TBCA: variants seen among roughly 807,000 people sequenced by gnomAD.
TBCA encodes the protein tubulin folding cofactor A, also known as tubulin-specific chaperone A.
A neutral mutation model predicts 15.8 loss-of-function variants in TBCA; 6 were observed. The ratio of observed to expected loss-of-function variants is 0.38; its 90% CI spans 0.21 to 0.75. TBCA has a LOEUF of 0.75. TBCA is among the 30% of genes least tolerant of loss of function. The probability of loss-of-function intolerance (pLI) is 0.46; values close to 1 mark genes in which losing one functional copy is unlikely to be tolerated. For missense variants in TBCA, 90 were observed against 131.2 expected, an observed-to-expected ratio of 0.69 and a Z score of 1.53; for synonymous variants, 32 against 42.3, an observed-to-expected ratio of 0.76 and a Z score of 0.94.
intron 1 of TBCA, among the ~76,000 whole-genome samples, chr5:77,751,591 AGAG>A (rs527666620): frequency 4.6e-4 from 70 of 152,138 alleles, no homozygotes; most frequent in African/African-American, 1.6e-3. Flanking sequence ...CATTCTCCCC[AGAG>A]GAGATGTGGC....
intron 2 of TBCA, among the ~76,000 whole-genome samples, chr5:77,696,171 A>G (rs1384994373): frequency 6.6e-6 from 1 of 152,204 alleles, no homozygotes; most frequent in Non-Finnish European, 1.5e-5. Context: ...CAGATCATCC[A>G]TCAGAAGCTG....
Position 77,732,550 on chromosome 5 carries a change from C to CACAAAA in TBCA, c.54-24204_54-24203insTTTTGT, listed in dbSNP as rs1236069449. Among the ~76,000 whole-genome samples the CACAAAA allele has an allele frequency of 2.7e-3, 244 of 89,498 alleles. 6 individuals carry two copies. Among genetic ancestry groups the CACAAAA allele is most frequent in the African/African-American group, 9.1e-3 (202 of 22,286 alleles). 58.7% of individuals were successfully genotyped at this position (89,498 alleles called of 152,430 possible). A position where few individuals can be genotyped will look rare whatever the true frequency, so the allele number is the denominator to read the frequency against. On this transcript the variant is annotated intron_variant, in intron 1 of 3. Transcript: ENST00000380377. ...TGGGCGACAGAGTGAGACTCTGTCT[C>CACAAAA]AAAAAAAAAAAAAAAAAAAAAAAAA...
intron 1 of TBCA, among the ~76,000 whole-genome samples, chr5:77,717,262 C>T (rs1561269043): frequency 6.6e-6 from 1 of 152,162 alleles, no homozygotes; most frequent in Non-Finnish European, 1.5e-5. Context: ...TTACTTGAAG[C>T]TAAAACATCT....
At chr5:77,725,808 G>T (rs1746620613) in intron 1 of TBCA, among the ~76,000 whole-genome samples, 1 of 152,154 alleles carries the variant, frequency 6.6e-6, no homozygotes, top group South Asian at 2.1e-4. Context: ...AAGGCTCCTT[G>T]AGATGAGTTA....
At chr5:77,775,843 G>A (rs968869174) in intron 1 of TBCA, among the ~76,000 whole-genome samples, 1 of 152,232 alleles carries the variant, frequency 6.6e-6, no homozygotes, top group African/African-American at 2.4e-5. Context: ...GCCAAGTTCA[G>A]CAAGGAGAGG....
At chr5:77,734,401 G>A (rs71632938) in intron 1 of TBCA, among the ~76,000 whole-genome samples, 16,262 of 152,194 alleles carry the variant, frequency 0.11, 932 homozygotes, top group Middle Eastern at 0.13. Flanking sequence ...CATGATTCAC[G>A]GGAGGAGGTC....
At chr5:77,736,961 G>A (rs536351745) in intron 1 of TBCA, among the ~76,000 whole-genome samples, 123 of 152,298 alleles carry the variant, frequency 8.1e-4, no homozygotes, top group Non-Finnish European at 1.1e-3. Context: ...ATAGGACTTA[G>A]TTGTGCCTGC....
intron 1 of TBCA, among the ~76,000 whole-genome samples, chr5:77,756,622 C>G (rs1404830021): frequency 6.9e-6 from 1 of 145,456 alleles, no homozygotes. Flanking sequence ...GAACAACTTC[C>G]TAAGAGGAAA....
chr5:77,730,680 C>T (rs1746746971), intron 1 of TBCA, among the ~76,000 whole-genome samples: 1 of 151,960 alleles, frequency 6.6e-6, no homozygotes, highest in African/African-American at 2.4e-5. Flanking sequence ...ACTCTTGGAA[C>T]CTTTCCACTA....
intron 1 of TBCA, among the ~76,000 whole-genome samples, chr5:77,751,465 C>T (rs1305880062): frequency 6.6e-6 from 1 of 152,022 alleles, no homozygotes; most frequent in African/African-American, 2.4e-5. Flanking sequence ...ACGCATGAGC[C>T]ACCGCGCCGG....
intron 1 of TBCA, among the ~76,000 whole-genome samples, chr5:77,710,389 A>G (rs1463919287): frequency 1.3e-5 from 2 of 152,258 alleles, no homozygotes; most frequent in African/African-American, 4.8e-5. Flanking sequence ...TAAAATCATT[A>G]ATGCATATCA....
chr5:77,751,199 C>T (rs1747327730), intron 1 of TBCA, among the ~76,000 whole-genome samples: 1 of 110,434 alleles, frequency 9.1e-6, no homozygotes, highest in African/African-American at 3.6e-5. Flanking sequence ...CAGTTTCGCT[C>T]TTGTTGCCCT....
intron 1 of TBCA, among the ~76,000 whole-genome samples, chr5:77,768,413 C>T (rs944432747): frequency 6.6e-5 from 10 of 152,152 alleles, no homozygotes; most frequent in African/African-American, 2.4e-4. Context: ...TATGTAATAA[C>T]GTGTAGTAAG....
chr5:77,764,735 A>G (rs1305490678), intron 1 of TBCA, among the ~76,000 whole-genome samples: 1 of 152,246 alleles, frequency 6.6e-6, no homozygotes, highest in Admixed American at 6.5e-5. Context: ...AATAATATAG[A>G]GTATTACAGT....
At chr5:77,699,017 C>T (rs1394278877) in intron 2 of TBCA, among the ~76,000 whole-genome samples, 2 of 105,098 alleles carry the variant, frequency 1.9e-5, no homozygotes, top group African/African-American at 7.7e-5. Context: ...AAAAACAATA[C>T]CATTTGCAAG....
chr5:77,715,342 T>C (rs1368945516), intron 1 of TBCA: 1 of 699,996 alleles, frequency 1.4e-6, no homozygotes, highest in Non-Finnish European at 2.6e-6. Context: ...CATCCCAAGG[T>C]TAACACTGTG....
At chr5:77,715,215 CTA>C in intron 1 of TBCA, 2 of 700,512 alleles carry the variant, frequency 2.9e-6, no homozygotes, top group Non-Finnish European at 5.2e-6. Flanking sequence ...AGTTGATCTA[CTA>C]TGTCACCTGA....
chr5:77,773,400 A>G lies in TBCA; in HGVS notation c.53+2805T>C, dbSNP rs192878939. 5.9e-5 allele frequency among the ~76,000 whole-genome samples: 9 copies of G among 152,288 alleles called. No individual in the cohort carries two copies. The East Asian group carries it at 1.7e-3, about 29-fold the overall frequency. On this transcript the variant is annotated intron_variant, in intron 1 of 3. Transcript: ENST00000380377. ...TTTCTCATATGTAAAATGAGAATCCAAACAGTATTATTAACATTTACTACC... is the reference window on the plus strand; with the variant it reads ...TTTCTCATATGTAAAATGAGAATCCGAACAGTATTATTAACATTTACTACC...
intron 1 of TBCA, among the ~76,000 whole-genome samples, chr5:77,770,433 T>C (rs564145479): frequency 6.6e-6 from 1 of 152,332 alleles, no homozygotes; most frequent in Admixed American, 6.5e-5. Context: ...AGAGCTATGT[T>C]AGCTAGTTAC....
Sources: allele counts gnomAD v4.1 joint callset (sites outside exome capture counted in the v4.1 genomes callset), GRCh38; gene constraint gnomAD v4.1.1; transcripts MANE v1.5; gene names NCBI Gene and HGNC (gene_info 2026-07-23, HGNC 2026-07-21).